Variants in AGPS observed in about 807,000 individuals in gnomAD.
AGPS encodes the protein alkyldihydroxyacetonephosphate synthase, peroxisomal.
AGPS carries 26 observed loss-of-function variants against 90.7 expected under a neutral mutation model. The observed-to-expected ratio is 0.29, with a 90% confidence interval of 0.21 to 0.40. AGPS has a LOEUF of 0.40. Ranked by LOEUF, AGPS falls within the 10% of genes least tolerant of loss-of-function variation. The pLI is 1.00. For synonymous variants in AGPS, 294 were observed against 285.3 expected, an observed-to-expected ratio of 1.03 and a Z score of -0.31; for missense variants, 540 against 816.1, an observed-to-expected ratio of 0.66 and a Z score of 4.12.
chr2:177,403,217 G>A (rs559940417), intron 1 of AGPS, among the ~76,000 whole-genome samples: 2 of 152,280 alleles, frequency 1.3e-5, no homozygotes, highest in South Asian at 4.1e-4. Context: ...TTCTATTACT[G>A]CAAGATGTAA....
chr2:177,533,741 A>G (rs1370910613), intron 19 of AGPS, among the ~76,000 whole-genome samples: 3 of 152,194 alleles, frequency 2.0e-5, no homozygotes, highest in Non-Finnish European at 4.4e-5. Context: ...CTCTAACACT[A>G]CTTTCTTACA....
At chr2:177,520,968 T>C (rs533692745) in intron 17 of AGPS, among the ~76,000 whole-genome samples, 59 of 152,348 alleles carry the variant, frequency 3.9e-4, no homozygotes, top group African/African-American at 1.4e-3. Context: ...TATTTCCCAA[T>C]AGAAGTTTTA....
intron 10 of AGPS, among the ~76,000 whole-genome samples, chr2:177,477,814 A>G (rs1234104717): frequency 1.3e-5 from 2 of 152,152 alleles, no homozygotes; most frequent in Non-Finnish European, 2.9e-5. Flanking sequence ...ATTGGCACAT[A>G]TATCACATTT....
At chr2:177,419,204 T>G (rs916866695) in intron 1 of AGPS, among the ~76,000 whole-genome samples, 2 of 150,166 alleles carry the variant, frequency 1.3e-5, no homozygotes, top group Non-Finnish European at 3.0e-5. Flanking sequence ...AGAATTATGA[T>G]TGTAATAAAA....
At chr2:177,537,131 A>G (rs1168188271) in intron 19 of AGPS, among the ~76,000 whole-genome samples, 1 of 152,152 alleles carries the variant, frequency 6.6e-6, no homozygotes, top group East Asian at 1.9e-4. Flanking sequence ...TGTAAATTAA[A>G]AGATTTATCC....
At position 177,392,836 on chromosome 2, in the gene AGPS, G is replaced by C. The variant is rs1195194823; in HGVS notation, c.47G>C (p.Gly16Ala). Residue 16 changes from glycine (G) to alanine (A), a missense_variant, in exon 1 of 20, where the codon GGC becomes GCC. This residue lies in a region of AGPS where 135 missense variants were observed against 124.0 expected (regional missense o/e 1.09). Transcript: ENST00000264167. Reference protein sequence around the residue: ...AAAGGTGLGAGASYGSAADRD... With the variant: ...AAAGGTGLGAAASYGSAADRD... ...GCGGGTGGGACTGGCTTGGGCGCGG[G>C]CGCGAGCTACGGGTCTGCAGCGGAC... 3 of 1,547,910 alleles carry C rather than the reference G, an allele frequency of 1.9e-6. No homozygotes were observed. The highest frequency in any genetic ancestry group is 3.9e-5 in the Admixed American group (2 of 51,618).
At position 177,543,089 on chromosome 2, in the gene AGPS, G is replaced by A. The variant is rs1222354339; in HGVS notation, c.*4894G>A. 1 of 152,210 alleles carries A rather than the reference G, an allele frequency of 6.6e-6. No individual in the cohort carries two copies. Among genetic ancestry groups the A allele is most frequent in the Non-Finnish European group, 1.5e-5 (1 of 68,044 alleles). The allele number at this position is 152,210 out of a possible 1,614,324, so 9.4% of individuals were successfully genotyped here. A position where few individuals can be genotyped will look rare whatever the true frequency, so the allele number is the denominator to read the frequency against. On this transcript the variant is annotated 3_prime_UTR_variant, in exon 20 of 20. Coordinates refer to ENST00000264167, the MANE Select transcript of AGPS (RefSeq NM_003659.4). The stretch of plus-strand genomic sequence containing the variant: ...CACATCGAATCAGTCAATGGGATTT[G>A]TATGTGCTTTTCCTTCCTACATTTT...
At chr2:177,452,156 G>A (rs1042198468) in intron 8 of AGPS, among the ~76,000 whole-genome samples, 1 of 152,090 alleles carries the variant, frequency 6.6e-6, no homozygotes, top group African/African-American at 2.4e-5. Flanking sequence ...GTGTTTTCCT[G>A]CTGCTGTTTG....
At chr2:177,535,058 G>A (rs2105744702) in intron 19 of AGPS, among the ~76,000 whole-genome samples, 1 of 152,236 alleles carries the variant, frequency 6.6e-6, no homozygotes, top group Admixed American at 6.5e-5. Flanking sequence ...TTGGCTTTTT[G>A]TAGCTCTAGT....
rs1169439198 is a variant in AGPS at position 177,539,199 on chromosome 2, C to T, written c.*1004C>T. ...ATTTTTGATTTTTTAAAATTAATCC[C>T]AATGGCATGATAAATTTTCATATAA... On this transcript the variant is annotated 3_prime_UTR_variant, in exon 20 of 20. Coordinates refer to ENST00000264167, the MANE Select transcript of AGPS (RefSeq NM_003659.4). 1 of 151,962 alleles carries T rather than the reference C, an allele frequency of 6.6e-6. No individual in the cohort carries two copies. Among genetic ancestry groups the T allele is most frequent in the African/African-American group, 2.4e-5 (1 of 41,396 alleles). 9.4% of individuals were successfully genotyped at this position (151,962 alleles called of 1,614,324 possible).
At chr2:177,521,456 C>A in intron 18 of AGPS, 88 bp downstream of exon 18, 1 of 1,099,594 alleles carries the variant, frequency 9.1e-7, no homozygotes, top group Non-Finnish European at 1.4e-6. Flanking sequence ...TAAGTTGAGT[C>A]TCTTTAATCA....
At chr2:177,402,005 T>G (rs1685346791) in intron 1 of AGPS, among the ~76,000 whole-genome samples, 1 of 152,256 alleles carries the variant, frequency 6.6e-6, no homozygotes, top group South Asian at 2.1e-4. Flanking sequence ...ACTTGGGCTA[T>G]GTCAGTGAAC....
At chr2:177,503,903 G>A (rs189524280) in intron 14 of AGPS, among the ~76,000 whole-genome samples, 1 of 152,218 alleles carries the variant, frequency 6.6e-6, no homozygotes, top group African/African-American at 2.4e-5. Flanking sequence ...AATGTGAACA[G>A]ATCTGTTTCC....
chr2:177,419,940 A>G (rs1685898667), intron 1 of AGPS, among the ~76,000 whole-genome samples: 1 of 151,830 alleles, frequency 6.6e-6, no homozygotes, highest in Non-Finnish European at 1.5e-5. Context: ...AGGTCATTCT[A>G]CAGTGTAAAC....
chr2:177,436,906 C>G (rs1489216485), intron 4 of AGPS, 22 bp downstream of exon 4: 1 of 1,611,370 alleles, frequency 6.2e-7, no homozygotes, highest in South Asian at 1.1e-5. Flanking sequence ...TATATTAGCC[C>G]TATTTATTTT....
intron 17 of AGPS, among the ~76,000 whole-genome samples, chr2:177,514,298 A>G (rs180892760): frequency 6.6e-6 from 1 of 152,334 alleles, no homozygotes; most frequent in African/African-American, 2.4e-5. Context: ...GTTGTTTACT[A>G]GTAATTTAAT....
At chr2:177,464,752 G>A (rs571114050) in intron 9 of AGPS, among the ~76,000 whole-genome samples, 72 of 152,266 alleles carry the variant, frequency 4.7e-4, no homozygotes, top group African/African-American at 1.7e-3. Context: ...CGCTATTAGC[G>A]GTAATCCACT....
At chr2:177,482,210 TACATAC>T in intron 11 of AGPS, 24 bp downstream of exon 11, 1 of 1,205,154 alleles carries the variant, frequency 8.3e-7, no homozygotes, top group Non-Finnish European at 1.2e-6. Flanking sequence ...TATATATATA[TACATAC>T]ATACATATAT....
chr2:177,460,764 T>G (rs188590391), intron 8 of AGPS, among the ~76,000 whole-genome samples: 14 of 152,328 alleles, frequency 9.2e-5, no homozygotes, highest in Admixed American at 5.9e-4. Flanking sequence ...AGCCATTTAT[T>G]TAAGCTTCTT....
Sources: gnomAD v4.1 joint callset for allele counts (sites outside exome capture counted in the v4.1 genomes callset) on GRCh38, gnomAD v4.1.1 for gene constraint, gnomAD v4.1.1 regional missense constraint, MANE v1.5 for transcripts, NCBI Gene and HGNC (gene_info 2026-07-23, HGNC 2026-07-21) for gene names.